The following CCDC73 variants were observed in gnomAD, a reference collection of about 807,000 sequenced individuals.
CCDC73 encodes coiled-coil domain-containing protein 73.
Under a neutral mutation model 116.5 loss-of-function variants are expected in CCDC73, and 95 were observed. The ratio of observed to expected loss-of-function variants is 0.82; its 90% CI spans 0.69 to 0.97. The LOEUF (loss-of-function observed/expected upper bound fraction) is 0.97. Ranked by LOEUF, CCDC73 falls within the 50% of genes least tolerant of loss-of-function variation. The pLI is 0.00. For missense variants in CCDC73, 1,066 were observed against 1,206.8 expected, an observed-to-expected ratio of 0.88 and a Z score of 1.73; for synonymous variants, 398 against 401.3, an observed-to-expected ratio of 0.99 and a Z score of 0.10.
At chr11:32,779,511 C>T (rs906381621) in intron 1 of CCDC73, among the ~76,000 whole-genome samples, 8 of 152,140 alleles carry the variant, frequency 5.3e-5, no homozygotes, top group African/African-American at 1.9e-4. Flanking sequence ...GCTACATTCT[C>T]AATAGGCTGT....
chr11:32,644,127 CA>C (rs1229976402), intron 12 of CCDC73, among the ~76,000 whole-genome samples: 3 of 152,108 alleles, frequency 2.0e-5, no homozygotes, highest in Non-Finnish European at 4.4e-5. Flanking sequence ...AAATGTGGTA[CA>C]TATACACCAT....
intron 15 of CCDC73, among the ~76,000 whole-genome samples, chr11:32,615,382 C>G (rs950742446): frequency 8.5e-5 from 13 of 152,102 alleles, no homozygotes; most frequent in Non-Finnish European, 1.8e-4. Flanking sequence ...AAATTGCTAG[C>G]TGGCTTCTTC....
At chr11:32,736,139 CA>C in intron 2 of CCDC73, among the ~76,000 whole-genome samples, 2 of 152,230 alleles carry the variant, frequency 1.3e-5, no homozygotes, top group Middle Eastern at 3.4e-3. Context: ...GCAATGGCAA[CA>C]AAAGCCAACA....
chr11:32,731,272 C>G (rs547075582), intron 2 of CCDC73, among the ~76,000 whole-genome samples: 1 of 152,044 alleles, frequency 6.6e-6, no homozygotes, highest in East Asian at 1.9e-4. Context: ...ACAAAGTGGC[C>G]AGGAAGCTCA....
intron 3 of CCDC73, among the ~76,000 whole-genome samples, chr11:32,709,921 T>C (rs1849885011): frequency 6.6e-6 from 1 of 152,240 alleles, no homozygotes; most frequent in African/African-American, 2.4e-5. Context: ...ATCTTCCTGG[T>C]TTAATCTAGC....
intron 9 of CCDC73, among the ~76,000 whole-genome samples, chr11:32,656,338 C>A (rs1855872302): frequency 6.6e-6 from 1 of 152,130 alleles, no homozygotes; most frequent in Non-Finnish European, 1.5e-5. Flanking sequence ...CTCGGCCTCC[C>A]AAAGTGCTGG....
At chr11:32,702,778 G>T in intron 4 of CCDC73, 95 bp downstream of exon 4, 11 of 841,092 alleles carry the variant, frequency 1.3e-5, no homozygotes, top group Admixed American at 9.5e-5. Flanking sequence ...TTTTGTCTTT[G>T]GTGACTATGG....
intron 2 of CCDC73, among the ~76,000 whole-genome samples, chr11:32,755,792 CATATATGTGTATATATATATCTCCAT>C (rs1850334303): frequency 1.1e-5 from 1 of 93,026 alleles, no homozygotes; most frequent in Non-Finnish European, 2.1e-5. Flanking sequence ...TATATATCTC[CATATATGTGTATATATATATCTCCAT>C]ATATATGTGT....
chr11:32,809,550 C>T, the CCDC73 span, among the ~76,000 whole-genome samples: 1 of 152,172 alleles, frequency 6.6e-6, no homozygotes, highest in East Asian at 1.9e-4. Flanking sequence ...AGATAATGTG[C>T]CCTTACCCTT....
At chr11:32,827,560 T>G in the CCDC73 span, among the ~76,000 whole-genome samples, 1 of 152,216 alleles carries the variant, frequency 6.6e-6, no homozygotes, top group Non-Finnish European at 1.5e-5. Flanking sequence ...AGTTCACAAC[T>G]GCTGATTCCA....
At chr11:32,607,390 C>T (rs1214753614) in intron 17 of CCDC73, among the ~76,000 whole-genome samples, 2 of 152,040 alleles carry the variant, frequency 1.3e-5, no homozygotes, top group African/African-American at 2.4e-5. Flanking sequence ...CCGCGCCCGG[C>T]CCAAAAATAA....
chr11:32,650,208 G>A (rs1219259877), intron 12 of CCDC73, among the ~76,000 whole-genome samples: 1 of 152,132 alleles, frequency 6.6e-6, no homozygotes, highest in Non-Finnish European at 1.5e-5. Context: ...TAACAAAATT[G>A]CTAGATAAGC....
At chr11:32,762,980 C>T (rs548030750) in intron 1 of CCDC73, among the ~76,000 whole-genome samples, 2 of 152,204 alleles carry the variant, frequency 1.3e-5, no homozygotes, top group Admixed American at 6.5e-5. Flanking sequence ...GGGTCCCACA[C>T]CCATGGAGCC....
chr11:32,772,213 T>C (rs771265044), intron 1 of CCDC73, among the ~76,000 whole-genome samples: 4 of 152,234 alleles, frequency 2.6e-5, no homozygotes, highest in African/African-American at 4.8e-5. Flanking sequence ...TTCTGCTCTC[T>C]ACATTGTCTC....
At chr11:32,721,965 C>T (rs767033022) in intron 2 of CCDC73, among the ~76,000 whole-genome samples, 7 of 152,270 alleles carry the variant, frequency 4.6e-5, no homozygotes, top group Middle Eastern at 3.4e-3. Flanking sequence ...TGCTATGTTA[C>T]TCAAAGATAG....
rs1028610297 is a variant in CCDC73, at chr11:32,641,422, A to T, written c.1050+550T>A. 7.9e-5 allele frequency among the ~76,000 whole-genome samples: 12 copies of T among 152,128 alleles called. No homozygotes were observed. In the South Asian group the frequency reaches 8.3e-4, roughly 11 times the overall value. On this transcript the variant is annotated intron_variant, in intron 13 of 17. Transcript: ENST00000335185. ...GCTGAATTAAAAATTATTATAAAAT[A>T]AAAAAATATGATTTAAGGAAACAGC...
At chr11:32,753,308 T>A (rs1463797805) in intron 2 of CCDC73, among the ~76,000 whole-genome samples, 1 of 144,324 alleles carries the variant, frequency 6.9e-6, no homozygotes, top group African/African-American at 2.7e-5. Flanking sequence ...TTTTTTTTTT[T>A]TCTTTTTGAG....
intron 14 of CCDC73, among the ~76,000 whole-genome samples, chr11:32,616,746 G>T (rs189100006): frequency 6.6e-6 from 1 of 152,278 alleles, no homozygotes; most frequent in East Asian, 1.9e-4. Context: ...ACTGTACTAG[G>T]CTTTGGGATA....
chr11:32,608,910 T>A (rs775294334), intron 17 of CCDC73, among the ~76,000 whole-genome samples: 21 of 152,186 alleles, frequency 1.4e-4, no homozygotes, highest in Non-Finnish European at 2.8e-4. Context: ...AGCTGTGACT[T>A]GGCTCCTTTT....
Sources: gnomAD v4.1 joint callset for allele counts (sites outside exome capture counted in the v4.1 genomes callset) on GRCh38, gnomAD v4.1.1 for gene constraint, MANE v1.5 for transcripts, NCBI Gene and HGNC (gene_info 2026-07-23, HGNC 2026-07-21) for gene names.